CLEC16A: variants seen among roughly 807,000 people sequenced by gnomAD.
The protein encoded by CLEC16A is protein CLEC16A.
Under a neutral mutation model 109.5 loss-of-function variants are expected in CLEC16A, and 51 were observed. That is an observed-to-expected ratio of 0.47 (90% CI 0.37 to 0.59). CLEC16A has a LOEUF of 0.59. Among genes scored for constraint, CLEC16A ranks in the 20% least tolerant of loss-of-function variants. The pLI is 0.00. For synonymous variants in CLEC16A, 673 were observed against 564.2 expected (o/e 1.19, Z -2.73); for missense variants, 1,339 against 1,394.0 (o/e 0.96, Z 0.63).
At chr16:11,065,768 T>A (rs1264019307) in intron 19 of CLEC16A, among the ~76,000 whole-genome samples, 1 of 151,990 alleles carries the variant, frequency 6.6e-6, no homozygotes, top group Non-Finnish European at 1.5e-5. Context: ...AGCACAGAAA[T>A]GAGGACTGCC....
At chr16:11,173,237 T>C (rs918434533) in intron 23 of CLEC16A, among the ~76,000 whole-genome samples, 2 of 152,174 alleles carry the variant, frequency 1.3e-5, no homozygotes, top group Admixed American at 6.5e-5. Context: ...TCCTTTTTTA[T>C]TGTGGTAACA....
intron 21 of CLEC16A, 52 bp from the exon 22 acceptor site, chr16:11,125,927 C>G: frequency 3.6e-6 from 2 of 555,782 alleles, no homozygotes; most frequent in Non-Finnish European, 5.2e-6. Flanking sequence ...ATTCTCACCA[C>G]CCCCCTCTAT....
At chr16:10,990,958 G>A (rs1456094718) in intron 10 of CLEC16A, among the ~76,000 whole-genome samples, 3 of 152,150 alleles carry the variant, frequency 2.0e-5, no homozygotes. Context: ...AGCCAGGTCA[G>A]TATTATTTAT....
chr16:11,145,208 G>A lies in CLEC16A; in HGVS notation c.2641+19062G>A, dbSNP rs118190004. 6.0e-4 allele frequency among the ~76,000 whole-genome samples: 92 copies of A among 152,258 alleles called. No individual in the cohort carries two copies. In the East Asian group the frequency reaches 0.016, roughly 27 times the overall value. On this transcript the variant is annotated intron_variant, in intron 22 of 23. Coordinates refer to ENST00000409790, the MANE Select transcript of CLEC16A (RefSeq NM_015226.3). Reference sequence around the variant, plus strand: ...AGCTGATGGGCTTCAAGCAGAGGGCGAAGGTCCCACTCTACTCCGACCACA... The same window carrying A: ...AGCTGATGGGCTTCAAGCAGAGGGCAAAGGTCCCACTCTACTCCGACCACA...
chr16:11,166,552 G>C lies in CLEC16A; in HGVS notation c.2806G>C (p.Asp936His), dbSNP rs757583881. Residue 936 changes from aspartate to histidine, a missense_variant and splice_region_variant, in exon 23 of 24, where the codon GAT (aspartate) becomes CAT (histidine). Around this residue, in one of 3 missense-constraint regions of CLEC16A, gnomAD observed 1,061 missense variants for 1,006.8 expected, o/e 1.05. Coordinates refer to ENST00000409790, the MANE Select transcript of CLEC16A (RefSeq NM_015226.3). Reference protein sequence around the residue: ...STPSTAQSPADAPMSPELPKP... With the variant: ...STPSTAQSPAHAPMSPELPKP... ...CCCCTCCACAGCCCAGAGTCCAGCA[G>C]GTATTGGCCACGTGACTCAGTGATA... The C allele has an allele frequency of 1.1e-5, 18 of 1,588,106 alleles. No homozygotes were observed. The highest frequency in any genetic ancestry group is 1.5e-5 in the Non-Finnish European group (18 of 1,167,728).
chr16:11,029,751 A>G (rs1165245954), intron 13 of CLEC16A, among the ~76,000 whole-genome samples: 1 of 152,204 alleles, frequency 6.6e-6, no homozygotes, highest in Non-Finnish European at 1.5e-5. Flanking sequence ...AGTCTAATTG[A>G]TATGCAATAA....
chr16:10,984,923 T>C (rs1315736987), intron 10 of CLEC16A, among the ~76,000 whole-genome samples: 1 of 152,072 alleles, frequency 6.6e-6, no homozygotes, highest in Non-Finnish European at 1.5e-5. Flanking sequence ...AAGTGCCCGC[T>C]GGGCACGGTG....
chr16:11,074,298 A>T (rs1172385292), intron 19 of CLEC16A, among the ~76,000 whole-genome samples: 1 of 152,228 alleles, frequency 6.6e-6, no homozygotes, highest in Non-Finnish European at 1.5e-5. Context: ...TCCCCTCTCT[A>T]TGAATTAAAC....
At chr16:11,027,993 G>C (rs1418439408) in intron 13 of CLEC16A, among the ~76,000 whole-genome samples, 1 of 152,192 alleles carries the variant, frequency 6.6e-6, no homozygotes, top group Non-Finnish European at 1.5e-5. Context: ...TTGAGGTTGG[G>C]AGTTCGAGAC....
intron 13 of CLEC16A, among the ~76,000 whole-genome samples, chr16:11,031,085 C>T (rs1052310652): frequency 6.6e-6 from 1 of 152,154 alleles, no homozygotes; most frequent in African/African-American, 2.4e-5. Flanking sequence ...TATTTTTTCT[C>T]TCCCATTCTG....
At chr16:11,054,732 G>A (rs745844616) in intron 18 of CLEC16A, among the ~76,000 whole-genome samples, 24 of 152,172 alleles carry the variant, frequency 1.6e-4, no homozygotes, top group Non-Finnish European at 3.2e-4. Flanking sequence ...CTGTTGCAAG[G>A]TAGCCATCTA....
chr16:11,052,954 T>C (rs562072737), intron 18 of CLEC16A, among the ~76,000 whole-genome samples: 20 of 152,244 alleles, frequency 1.3e-4, no homozygotes, highest in African/African-American at 4.3e-4. Flanking sequence ...AGTGCAGTGT[T>C]GCGATCATAG....
chr16:10,998,224 A>G (rs2044445530), intron 10 of CLEC16A, among the ~76,000 whole-genome samples: 1 of 152,200 alleles, frequency 6.6e-6, no homozygotes, highest in African/African-American at 2.4e-5. Context: ...GCAGGTGCAG[A>G]CGCTTAGGGA....
intron 19 of CLEC16A, among the ~76,000 whole-genome samples, chr16:11,107,352 C>T (rs971326783): frequency 6.6e-6 from 1 of 151,538 alleles, no homozygotes; most frequent in Non-Finnish European, 1.5e-5. Flanking sequence ...TCACAACTGC[C>T]CCCTTTTCAT....
At chr16:11,124,032 C>G (rs1350152106) in intron 21 of CLEC16A, 86 bp downstream of exon 21, 6 of 1,199,556 alleles carry the variant, frequency 5.0e-6, no homozygotes, top group Non-Finnish European at 7.1e-6. Context: ...CTTGAGAACC[C>G]CCATAGCATA....
rs1002354410 is a variant in CLEC16A at position 11,122,896 on chromosome 16, C to CTTTTTTTTTTT, written c.2269-831_2269-821dup. On this transcript the variant is annotated intron_variant, in intron 20 of 23. Transcript: ENST00000409790. The stretch of plus-strand genomic sequence containing the variant: ...GCTCAATGACCTTCCCTATCCCTTT[C>CTTTTTTTTTTT]TTTTTTTTTTTTTTTTTTTTTTTTT... 7.0e-4 allele frequency among the ~76,000 whole-genome samples: 52 copies of CTTTTTTTTTTT among 73,794 alleles called. 4 individuals are homozygous for CTTTTTTTTTTT. Among genetic ancestry groups the CTTTTTTTTTTT allele is most frequent in the Non-Finnish European group, 9.0e-4 (38 of 42,450 alleles). The allele number at this position is 73,794 out of a possible 152,430, so 48.4% of individuals were successfully genotyped here. A position where few individuals can be genotyped will look rare whatever the true frequency, so the allele number is the denominator to read the frequency against.
intron 14 of CLEC16A, 105 bp downstream of exon 14, chr16:11,039,981 C>T (rs1597158333): frequency 7.3e-7 from 1 of 1,370,218 alleles, no homozygotes; most frequent in South Asian, 1.5e-5. Context: ...TTCTGAGAAT[C>T]CGGGCCCATC....
intron 13 of CLEC16A, among the ~76,000 whole-genome samples, chr16:11,031,020 GT>G (rs1420673959): frequency 1.1e-4 from 17 of 152,188 alleles, no homozygotes; most frequent in Admixed American, 9.8e-4. Flanking sequence ...AAGACCAGAT[GT>G]TTTTTAATCT....
chr16:11,070,074 A>G (rs1355952247), intron 19 of CLEC16A, among the ~76,000 whole-genome samples: 1 of 143,674 alleles, frequency 7.0e-6, no homozygotes, highest in Admixed American at 6.9e-5. Flanking sequence ...AACTGCCACC[A>G]TTTTTTTTTT....
Sources: allele counts gnomAD v4.1 joint callset (sites outside exome capture counted in the v4.1 genomes callset), GRCh38; gene constraint gnomAD v4.1.1; regional missense constraint gnomAD v4.1.1; transcripts MANE v1.5; gene names NCBI Gene and HGNC (gene_info 2026-07-23, HGNC 2026-07-21).